MYL6: variants seen among roughly 807,000 people sequenced by gnomAD.
The protein encoded by MYL6 is myosin light chain 6.
Under a neutral mutation model 20.3 loss-of-function variants are expected in MYL6, and 20 were observed. That is an observed-to-expected ratio of 0.98 (90% confidence interval 0.69 to 1.43). MYL6 has a LOEUF of 1.43. Among genes scored for constraint, MYL6 ranks in the 40% most tolerant of loss-of-function variants. MYL6 has a pLI of 0.00. For synonymous variants in MYL6, 77 were observed against 72.4 expected, an observed-to-expected ratio of 1.06 and a Z score of -0.32; for missense variants, 164 against 191.0, an observed-to-expected ratio of 0.86 and a Z score of 0.83.
At position 56,161,445 on chromosome 12, in the gene MYL6, C is replaced by T. The variant is rs775394999; in HGVS notation, c.*75C>T. 4.2e-5 allele frequency: 67 copies of T among 1,613,496 alleles called. No homozygotes were observed. The highest frequency in any genetic ancestry group is 5.3e-5 in the African/African-American group (4 of 74,910). ...CTTCCCAGTCTCCCCAGAGTCCGTG[C>T]CTTTCCCTGTGTGAATTTTGTATCT... On this transcript the variant is annotated 3_prime_UTR_variant, in exon 7 of 7. Transcript: ENST00000550697.
intron 1 of MYL6, 130 bp from the exon 2 acceptor site, chr12:56,158,553 CG>C (rs1871474409): frequency 1.2e-6 from 2 of 1,612,776 alleles, no homozygotes; most frequent in Non-Finnish European, 1.7e-6. Flanking sequence ...TGGGGCCCTG[CG>C]GGGAAGCGAG....
chr12:56,160,200 CACTT>C (rs199922384), intron 4 of MYL6, 39 bp from the exon 5 acceptor site: 49,805 of 1,613,888 alleles, frequency 0.031, 975 homozygotes, highest in Non-Finnish European at 0.038. Flanking sequence ...TGAGGTACCT[CACTT>C]GTCACCCAAT....
At chr12:56,160,601 C>G in intron 5 of MYL6, 25 bp from the exon 6 acceptor site, 4 of 1,614,110 alleles carry the variant, frequency 2.5e-6, no homozygotes, top group Non-Finnish European at 3.4e-6. Flanking sequence ...TTGTCTTCAC[C>G]ATGAATGTCT....
intron 6 of MYL6, 86 bp downstream of exon 6, chr12:56,160,756 C>A: frequency 7.1e-7 from 1 of 1,411,984 alleles, no homozygotes; most frequent in African/African-American, 1.4e-5. Context: ...CCTGCCCTTA[C>A]CCTACTACCA....
intron 4 of MYL6, 24 bp downstream of exon 4, chr12:56,160,172 T>C: frequency 6.2e-7 from 1 of 1,613,814 alleles, no homozygotes; most frequent in Non-Finnish European, 8.5e-7. Flanking sequence ...TCCTTGTCCT[T>C]GAGCTGAGAT....
intron 2 of MYL6, 132 bp downstream of exon 2, chr12:56,158,843 T>C (rs1871508099): frequency 1.3e-6 from 2 of 1,513,434 alleles, no homozygotes; most frequent in African/African-American, 1.4e-5. Flanking sequence ...TTATTTTCTC[T>C]TCTTCTGGAT....
intron 5 of MYL6, 104 bp downstream of exon 5, chr12:56,160,424 C>G (rs979421066): frequency 6.5e-7 from 1 of 1,539,410 alleles, no homozygotes; most frequent in African/African-American, 1.4e-5. Context: ...CCAAAAAGAG[C>G]CAGGAGGCAA....
Position 56,161,446 on chromosome 12 carries a change from C to T in MYL6, c.*76C>T. 1 of 1,613,706 alleles carries T rather than the reference C, an allele frequency of 6.2e-7. No homozygotes were observed. Among genetic ancestry groups the T allele is most frequent in the Non-Finnish European group, 8.5e-7 (1 of 1,179,580 alleles). ...TTCCCAGTCTCCCCAGAGTCCGTGC[C>T]TTTCCCTGTGTGAATTTTGTATCTA... On this transcript the variant is annotated 3_prime_UTR_variant, in exon 7 of 7. Coordinates refer to ENST00000550697, the MANE Select transcript of MYL6 (RefSeq NM_021019.5).
rs765912486 is a variant in MYL6 at position 56,158,382 on chromosome 12, C to T, written c.-20C>T. On this transcript the variant is annotated 5_prime_UTR_variant, in exon 1 of 7. Coordinates refer to ENST00000550697, the MANE Select transcript of MYL6 (RefSeq NM_021019.5). ...GAGCCATTACTGCAGGAAAAGGTCC[C>T]GGAGAGCTGAGCAGTCAAGATGGTG... is the stretch of plus-strand genomic sequence containing the variant. 10 of 1,519,786 alleles carry T rather than the reference C, an allele frequency of 6.6e-6. No homozygotes were observed. Among genetic ancestry groups the T allele is most frequent in the East Asian group, 2.3e-5 (1 of 44,110 alleles). 94.1% of individuals were successfully genotyped at this position (1,519,786 alleles called of 1,614,324 possible). A position where few individuals can be genotyped will look rare whatever the true frequency, so the allele number is the denominator to read the frequency against.
At position 56,158,394 on chromosome 12, in the gene MYL6, C is replaced by A. The variant is rs756204667; in HGVS notation, c.-8C>A. On this transcript the variant is annotated 5_prime_UTR_variant, in exon 1 of 7. Transcript: ENST00000550697. ...CAGGAAAAGGTCCCGGAGAGCTGAG[C>A]AGTCAAGATGGTGGGGCCCAGGTCT... 6.6e-7 allele frequency: 1 copy of A among 1,523,010 alleles called. No individual in the cohort carries two copies. 94.3% of individuals were successfully genotyped at this position (1,523,010 alleles called of 1,614,324 possible). A position where few individuals can be genotyped will look rare whatever the true frequency, so the allele number is the denominator to read the frequency against.
At chr12:56,158,751 A>G in intron 2 of MYL6, 40 bp downstream of exon 2, 1 of 1,608,778 alleles carries the variant, frequency 6.2e-7, no homozygotes, top group Non-Finnish European at 8.5e-7. Flanking sequence ...ACCCTTAGGG[A>G]GAGGGACACC....
intron 6 of MYL6, 160 bp downstream of exon 6, chr12:56,160,830 AG>A: frequency 1.3e-6 from 1 of 787,556 alleles, no homozygotes; most frequent in Non-Finnish European, 2.0e-6. Flanking sequence ...TTCCTCAAAG[AG>A]GAAGACAACC....
At chr12:56,159,354 G>A in intron 2 of MYL6, 2 of 514,910 alleles carry the variant, frequency 3.9e-6, no homozygotes, top group South Asian at 5.6e-5. Flanking sequence ...GCCGCAGGCA[G>A]AGGGGTTGTG....
In MYL6 at chr12:56,161,383, A is replaced by G; in HGVS notation, c.*17-4A>G. 6.2e-7 allele frequency: 1 copy of G among 1,613,556 alleles called. No homozygotes were observed. Among genetic ancestry groups the G allele is most frequent in the East Asian group, 2.2e-5 (1 of 44,838 alleles). On this transcript the variant is annotated splice_region_variant and splice_polypyrimidine_tract_variant and intron_variant, in intron 6 of 6. Coordinates refer to ENST00000550697, the MANE Select transcript of MYL6 (RefSeq NM_021019.5). ...CTGGCTCATCCCACCTTTCCTTTCC[A>G]CAGAGCTCGTCCGCATGGTGCTGAA...
At position 56,159,691 on chromosome 12, in the gene MYL6, G is replaced by A. The variant is rs539832611; in HGVS notation, c.136G>A (p.Ala46Thr). Residue 46 changes from alanine to threonine, a missense_variant, in exon 3 of 7, where the codon GCC becomes ACC. Coordinates refer to ENST00000550697, the MANE Select transcript of MYL6 (RefSeq NM_021019.5). ...GGCCCTGGGCCAGAACCCTACCAAC[G>A]CCGAGGTGCTCAAGGTCCTGGGGAA... ...MRALGQNPTN[A>T]EVLKVLGNPK... is the part of the protein sequence containing the mutation. 3.1e-6 allele frequency: 5 copies of A among 1,614,182 alleles called. No homozygotes were observed. In the East Asian group the frequency reaches 6.7e-5, roughly 22 times the overall value.
At chr12:56,159,033 G>A in intron 2 of MYL6, 6 of 933,966 alleles carry the variant, frequency 6.4e-6, no homozygotes, top group Non-Finnish European at 8.7e-6. Flanking sequence ...CCTTTAATCA[G>A]CTACTTCTGC....
Position 56,161,403 on chromosome 12 carries a change from G to A in MYL6, c.*33G>A. ...TTTCCACAGAGCTCGTCCGCATGGT[G>A]CTGAATGGCTGAGGACCTTCCCAGT... On this transcript the variant is annotated 3_prime_UTR_variant, in exon 7 of 7. Coordinates refer to ENST00000550697, the MANE Select transcript of MYL6 (RefSeq NM_021019.5). 1 of 1,614,174 alleles carries A rather than the reference G, an allele frequency of 6.2e-7. No individual in the cohort carries two copies. The highest frequency in any genetic ancestry group is 8.5e-7 in the Non-Finnish European group (1 of 1,180,010).
chr12:56,158,542 C>CTGGG, intron 1 of MYL6, 138 bp downstream of exon 1: 1 of 1,612,110 alleles, frequency 6.2e-7, no homozygotes, highest in South Asian at 1.1e-5. Context: ...GTTGGAAAGA[C>CTGGG]TGGGGCCCTG....
chr12:56,159,550 C>T (rs1871579505), intron 2 of MYL6, 37 bp from the exon 3 acceptor site: 6 of 1,605,204 alleles, frequency 3.7e-6, no homozygotes, highest in Admixed American at 1.7e-5. Flanking sequence ...TTGGATTAAC[C>T]CTCAAATCCT....
Sources: allele counts gnomAD v4.1 joint callset, GRCh38; gene constraint gnomAD v4.1.1; transcripts MANE v1.5; gene names NCBI Gene and HGNC (gene_info 2026-07-23, HGNC 2026-07-21).